Variants in SCLT1 observed in about 807,000 individuals in gnomAD.
SCLT1 encodes sodium channel-associated protein 1.
SCLT1 carries 78 observed loss-of-function variants against 112.8 expected under a neutral mutation model. The observed-to-expected ratio is 0.69, with a 90% CI of 0.58 to 0.83. The LOEUF is 0.83. SCLT1 is among the 40% of genes least tolerant of loss of function. SCLT1 has a pLI of 0.00. For missense variants in SCLT1, 747 were observed against 770.4 expected (o/e 0.97, Z 0.36); for synonymous variants, 257 against 254.7 (o/e 1.01, Z -0.09).
At chr4:129,088,294 T>G (rs909683037) in intron 1 of SCLT1, among the ~76,000 whole-genome samples, 8 of 152,214 alleles carry the variant, frequency 5.3e-5, no homozygotes, top group Admixed American at 5.2e-4. Context: ...TCTCAATGGA[T>G]GCAGAACAGC....
Position 128,983,131 on chromosome 4 carries a change from G to A in SCLT1, c.686+9036C>T, listed in dbSNP as rs148774748. On this transcript the variant is annotated intron_variant, in intron 9 of 20. Coordinates refer to ENST00000281142, the MANE Select transcript of SCLT1 (RefSeq NM_144643.4). Reference sequence around the variant, plus strand: ...TCAAACTCCCGACCTCAGGTGATCCGCCCGCCTCAGCCTCCCAAAGTGCTA... The same window carrying A: ...TCAAACTCCCGACCTCAGGTGATCCACCCGCCTCAGCCTCCCAAAGTGCTA... Among the ~76,000 whole-genome samples, 159 of 151,874 alleles carry A rather than the reference G, an allele frequency of 1.0e-3. 1 individual carries two copies. In the East Asian group the frequency reaches 0.024, roughly 23 times the overall value.
In SCLT1 at chr4:128,959,666, A is replaced by T; in HGVS notation, c.981T>A (p.Tyr327Ter). 6.2e-7 allele frequency: 1 copy of T among 1,613,356 alleles called. No homozygotes were observed. ...AKCNELENER[Y>*]EAIVRARNSM... is the part of the protein sequence containing the mutation. Reference sequence around the variant, plus strand: ...TATTTCTGGCTCTTACAATAGCCTCATATCTCTCATTTTCTAATTCATTGC... The same window carrying T: ...TATTTCTGGCTCTTACAATAGCCTCTTATCTCTCATTTTCTAATTCATTGC... The change falls in exon 12 of 21, where the codon TAT becomes TAA. Residue 327 changes from tyrosine (Y) to a stop codon, truncating the protein, a stop_gained. Coordinates refer to ENST00000281142, the MANE Select transcript of SCLT1 (RefSeq NM_144643.4). LOFTEE classifies it high-confidence loss of function.
intron 18 of SCLT1, among the ~76,000 whole-genome samples, chr4:128,929,279 A>G (rs1736562405): frequency 6.6e-6 from 1 of 152,220 alleles, no homozygotes; most frequent in Admixed American, 6.5e-5. Context: ...CTACAAGGAA[A>G]TGAACTTTAC....
intron 11 of SCLT1, among the ~76,000 whole-genome samples, chr4:128,962,682 T>C (rs1206000160): frequency 6.6e-6 from 1 of 152,168 alleles, no homozygotes; most frequent in Non-Finnish European, 1.5e-5. Context: ...CTAAGACTCA[T>C]ACACAACTTG....
intron 18 of SCLT1, among the ~76,000 whole-genome samples, 195 bp downstream of exon 18, chr4:128,936,460 G>T (rs1265933645): frequency 6.6e-6 from 1 of 152,010 alleles, no homozygotes; most frequent in African/African-American, 2.4e-5. Flanking sequence ...AAACATGCAT[G>T]AAATTTGTAA....
Position 129,023,748 on chromosome 4 carries a change from G to A in SCLT1, c.290+15293C>T, listed in dbSNP as rs550048385. On this transcript the variant is annotated intron_variant, in intron 5 of 20. Transcript: ENST00000281142. The stretch of plus-strand genomic sequence containing the variant: ...AGCAGGGCGAGGCATTGCCTCACTC[G>A]GGAAGCGCAAGGGGTCAGGGAGTTC... 1.3e-4 allele frequency among the ~76,000 whole-genome samples: 20 copies of A among 152,286 alleles called. 1 individual carries two copies. In the South Asian group the frequency reaches 2.7e-3, roughly 21 times the overall value.
At chr4:129,004,012 A>T (rs1316451095) in intron 5 of SCLT1, 136 bp from the exon 6 acceptor site, 2 of 747,370 alleles carry the variant, frequency 2.7e-6, no homozygotes, top group Non-Finnish European at 4.4e-6. Context: ...CAAATAAAAA[A>T]TTAGAAGTGT....
chr4:128,902,449 T>C (rs998382870), intron 18 of SCLT1, among the ~76,000 whole-genome samples: 1 of 152,202 alleles, frequency 6.6e-6, no homozygotes, highest in African/African-American at 2.4e-5. Context: ...CTGTACAGCA[T>C]GTTACTGTAG....
At position 128,900,301 on chromosome 4, in the gene SCLT1, A is replaced by G. The variant is rs552116040; in HGVS notation, c.1830-9164T>C. 3.3e-5 allele frequency among the ~76,000 whole-genome samples: 5 copies of G among 152,362 alleles called. No homozygotes were observed. The South Asian group carries it at 1.0e-3, about 32-fold the overall frequency. ...ATACTACAAGGCTACAGTAACCAAA[A>G]CAGCATGGTACTGGTACCAAAACAG... On this transcript the variant is annotated intron_variant, in intron 18 of 20. Coordinates refer to ENST00000281142, the MANE Select transcript of SCLT1 (RefSeq NM_144643.4).
intron 2 of SCLT1, among the ~76,000 whole-genome samples, chr4:129,057,406 ATTC>A (rs1224659720): frequency 7.2e-6 from 1 of 138,752 alleles, no homozygotes; most frequent in Admixed American, 7.3e-5. Flanking sequence ...AATTAATATT[ATTC>A]TTTTTTTTTT....
At chr4:129,015,296 A>G (rs1477509740) in intron 5 of SCLT1, among the ~76,000 whole-genome samples, 1 of 151,988 alleles carries the variant, frequency 6.6e-6, no homozygotes, top group African/African-American at 2.4e-5. Context: ...AGGCTAGTGT[A>G]TGGTTATTGG....
At chr4:129,014,432 T>C (rs1744815559) in intron 5 of SCLT1, among the ~76,000 whole-genome samples, 2 of 152,236 alleles carry the variant, frequency 1.3e-5, no homozygotes, top group African/African-American at 4.8e-5. Flanking sequence ...TTCTCATCTT[T>C]GTGGGTTTAT....
At chr4:129,080,382 C>T (rs1751831488) in intron 2 of SCLT1, among the ~76,000 whole-genome samples, 1 of 152,206 alleles carries the variant, frequency 6.6e-6, no homozygotes, top group Admixed American at 6.5e-5. Flanking sequence ...AGCAGCCAGG[C>T]TACATCTTGA....
intron 18 of SCLT1, among the ~76,000 whole-genome samples, chr4:128,902,201 A>C (rs1362913755): frequency 6.6e-6 from 1 of 152,206 alleles, no homozygotes; most frequent in Non-Finnish European, 1.5e-5. Flanking sequence ...CACCGTACCC[A>C]GGAGAAACTT....
intron 5 of SCLT1, among the ~76,000 whole-genome samples, chr4:129,007,885 G>C (rs983153560): frequency 2.0e-5 from 3 of 152,042 alleles, no homozygotes; most frequent in Non-Finnish European, 2.9e-5. Context: ...TGCTCCATGA[G>C]CTTGGAAGTG....
chr4:129,025,876 C>CA (rs1485959307), intron 5 of SCLT1, among the ~76,000 whole-genome samples: 7 of 151,052 alleles, frequency 4.6e-5, no homozygotes, highest in South Asian at 2.1e-4. Context: ...AAATGGAAAA[C>CA]AAAAAAAGGC....
intron 18 of SCLT1, among the ~76,000 whole-genome samples, chr4:128,899,937 A>G (rs1579319368): frequency 6.6e-6 from 1 of 152,200 alleles, no homozygotes; most frequent in Non-Finnish European, 1.5e-5. Context: ...TGCTTCAAAG[A>G]GAATAAAATA....
chr4:129,080,663 GTCT>G (rs1463015124), intron 2 of SCLT1, among the ~76,000 whole-genome samples: 1 of 152,152 alleles, frequency 6.6e-6, no homozygotes, highest in African/African-American at 2.4e-5. Context: ...TCATCTTCCT[GTCT>G]TCTTCTGGGT....
chr4:129,060,957 C>A (rs1006396339), intron 2 of SCLT1, among the ~76,000 whole-genome samples: 2 of 152,132 alleles, frequency 1.3e-5, no homozygotes, highest in Admixed American at 6.5e-5. Context: ...CTCTAAGACA[C>A]CCCTATCCAC....
Sources: allele counts gnomAD v4.1 joint callset (sites outside exome capture counted in the v4.1 genomes callset), GRCh38; gene constraint gnomAD v4.1.1; transcripts MANE v1.5; gene names NCBI Gene and HGNC (gene_info 2026-07-23, HGNC 2026-07-21).